UPF2: variants seen among roughly 807,000 people sequenced by gnomAD.
The protein encoded by UPF2 is regulator of nonsense transcripts 2.
Under a neutral mutation model 141.4 loss-of-function variants are expected in UPF2, and 17 were observed. The observed-to-expected ratio is 0.12, with a 90% CI of 0.08 to 0.18. UPF2 has a LOEUF of 0.18. UPF2 is among the 10% of genes least tolerant of loss of function. The pLI is 1.00. For synonymous variants in UPF2, 540 were observed against 498.0 expected, an observed-to-expected ratio of 1.08 and a Z score of -1.12; for missense variants, 1,152 against 1,515.9, an observed-to-expected ratio of 0.76 and a Z score of 3.99.
Position 11,979,978 on chromosome 10 carries a change from T to C in UPF2, c.1845-813A>G, listed in dbSNP as rs1462792310. 6.6e-6 allele frequency among the ~76,000 whole-genome samples: 1 copy of C among 152,178 alleles called. No homozygotes were observed. The highest frequency in any genetic ancestry group is 1.5e-5 in the Non-Finnish European group (1 of 68,022). On this transcript the variant is annotated intron_variant, in intron 8 of 21. Transcript: ENST00000357604. This position sits in a 1 kb window ranked among gnomAD's most constrained non-coding sequence, Gnocchi z 6.2. Reference sequence around the variant, plus strand: ...ACGAAGGCAAAATAATATTACAAAATCTAAATACTAATTTATGTATTTCAA... The same window carrying C: ...ACGAAGGCAAAATAATATTACAAAACCTAAATACTAATTTATGTATTTCAA...
At chr10:11,993,574 T>C (rs1011588735) in intron 8 of UPF2, among the ~76,000 whole-genome samples, 1 of 150,444 alleles carries the variant, frequency 6.6e-6, no homozygotes, top group Non-Finnish European at 1.5e-5. Context: ...AATAAAAATA[T>C]AAATTATTGA....
intron 7 of UPF2, among the ~76,000 whole-genome samples, chr10:11,999,140 T>C (rs1833912085): frequency 6.6e-6 from 1 of 151,966 alleles, no homozygotes; most frequent in Admixed American, 6.6e-5. Flanking sequence ...TATAATTTGG[T>C]ACCACTACCT....
At chr10:12,008,222 G>A (rs1228011659) in intron 4 of UPF2, among the ~76,000 whole-genome samples, 1 of 151,986 alleles carries the variant, frequency 6.6e-6, no homozygotes, top group Admixed American at 6.6e-5. Context: ...GATTCAAATA[G>A]GAATTTCACA....
chr10:12,001,010 T>G (rs548874681), intron 6 of UPF2, among the ~76,000 whole-genome samples: 1 of 152,362 alleles, frequency 6.6e-6, no homozygotes, highest in Admixed American at 6.5e-5. Flanking sequence ...TTATGTTGTT[T>G]GTAAAGATTA....
At position 11,939,354 on chromosome 10, in the gene UPF2, G is replaced by A. The variant is rs148874073; in HGVS notation, c.3379-2642C>T. Among the ~76,000 whole-genome samples, 263 of 152,078 alleles carry A rather than the reference G, an allele frequency of 1.7e-3. 1 individual carries two copies. The highest frequency in any genetic ancestry group is 5.8e-3 in the African/African-American group (242 of 41,490). Reference sequence around the variant, plus strand: ...TTCTGCTGTGGAAATAAAACAGAACGTCAACTTTATTTTTGTTTATTGTCT... The same window carrying A: ...TTCTGCTGTGGAAATAAAACAGAACATCAACTTTATTTTTGTTTATTGTCT... On this transcript the variant is annotated intron_variant, in intron 18 of 21. Coordinates refer to ENST00000357604, the MANE Select transcript of UPF2 (RefSeq NM_015542.4). The surrounding 1 kb of genome is among the most constrained non-coding windows in gnomAD (Gnocchi z 4.8).
intron 7 of UPF2, 115 bp from the exon 8 acceptor site, chr10:11,997,872 G>C (rs1833889013): frequency 9.5e-7 from 1 of 1,048,596 alleles, no homozygotes; most frequent in Non-Finnish European, 1.4e-6. Context: ...ATGGTTTTAA[G>C]AAACTAGTAT....
Position 11,938,842 on chromosome 10 carries a change from G to GTTTTTTTTTTTTTTTTTTTTTTTT in UPF2, c.3379-2131_3379-2130insAAAAAAAAAAAAAAAAAAAAAAAA, listed in dbSNP as rs1204744093. ...GTCCTAGCCATGTGGTCTTAAGCAA[G>GTTTTTTTTTTTTTTTTTTTTTTTT]TTTTTTTTTTGTTTTTTTTTTTTTT... On this transcript the variant is annotated intron_variant, in intron 18 of 21. Transcript: ENST00000357604. Among the ~76,000 whole-genome samples, 3 of 45,862 alleles carry GTTTTTTTTTTTTTTTTTTTTTTTT rather than the reference G, an allele frequency of 6.5e-5. 1 individual carries two copies. The highest frequency in any genetic ancestry group is 2.1e-4 in the African/African-American group (3 of 14,224). The allele number at this position is 45,862 out of a possible 152,430, so 30.1% of individuals were successfully genotyped here. A position where few individuals can be genotyped will look rare whatever the true frequency, so the allele number is the denominator to read the frequency against.
At chr10:11,938,844 TTTTTTTTTG>T (rs1564337737) in intron 18 of UPF2, among the ~76,000 whole-genome samples, 23 of 116,544 alleles carry the variant, frequency 2.0e-4, no homozygotes, top group African/African-American at 7.0e-4. Context: ...TTAAGCAAGT[TTTTTTTTTG>T]TTTTTTTTTT....
intron 2 of UPF2, among the ~76,000 whole-genome samples, chr10:12,033,289 A>T (rs575727988): frequency 1.3e-5 from 2 of 151,996 alleles, no homozygotes; most frequent in Non-Finnish European, 2.9e-5. Context: ...TAATCTCAAC[A>T]CTTTGGGAGG....
At chr10:12,023,688 T>TAA (rs111568431) in intron 3 of UPF2, among the ~76,000 whole-genome samples, 6 of 134,980 alleles carry the variant, frequency 4.4e-5, no homozygotes, top group Non-Finnish European at 6.4e-5. Flanking sequence ...AGACTCCATC[T>TAA]AAAAAAAAAA....
chr10:12,036,931 A>G (rs1280936473), intron 1 of UPF2, among the ~76,000 whole-genome samples: 1 of 152,188 alleles, frequency 6.6e-6, no homozygotes, highest in Non-Finnish European at 1.5e-5. Flanking sequence ...AGGCTGAGGC[A>G]GGAGAATGGC....
At chr10:11,929,388 CTT>C (rs1195255510) in intron 21 of UPF2, among the ~76,000 whole-genome samples, 4 of 152,178 alleles carry the variant, frequency 2.6e-5, no homozygotes, top group East Asian at 3.9e-4. Context: ...AAACCAATGT[CTT>C]TGTAAGAACA....
At chr10:11,944,911 A>G (rs1832981838) in intron 16 of UPF2, among the ~76,000 whole-genome samples, 1 of 152,374 alleles carries the variant, frequency 6.6e-6, no homozygotes, top group East Asian at 1.9e-4. Context: ...GCCTGAGTTC[A>G]AATACCGGCT....
At chr10:11,971,125 G>A (rs926111417) in intron 9 of UPF2, among the ~76,000 whole-genome samples, 3 of 152,096 alleles carry the variant, frequency 2.0e-5, no homozygotes, top group African/African-American at 7.2e-5. Flanking sequence ...ACATTTAAAT[G>A]AAGTGTTATA....
intron 13 of UPF2, 45 bp from the exon 14 acceptor site, chr10:11,955,552 G>A (rs763242655): frequency 1.3e-6 from 2 of 1,545,578 alleles, no homozygotes; most frequent in African/African-American, 1.4e-5. Flanking sequence ...GAGGAGTAGT[G>A]TATATGAAAA....
intron 21 of UPF2, among the ~76,000 whole-genome samples, chr10:11,926,938 G>A (rs1178296104): frequency 6.6e-6 from 1 of 152,144 alleles, no homozygotes. Context: ...TCACACGCAC[G>A]TCGATGACAG....
intron 4 of UPF2, among the ~76,000 whole-genome samples, chr10:12,009,834 C>G (rs915189218): frequency 5.9e-5 from 9 of 152,300 alleles, no homozygotes; most frequent in Middle Eastern, 6.8e-3. Flanking sequence ...CTTGAACATT[C>G]AGCTGAGTAC....
chr10:11,938,870 T>TTTTTTTG (rs1832898292), intron 18 of UPF2, among the ~76,000 whole-genome samples: 1 of 112,564 alleles, frequency 8.9e-6, no homozygotes, highest in African/African-American at 3.2e-5. Flanking sequence ...TTTTTTTTTT[T>TTTTTTTG]TTTTTTTTTT....
At chr10:12,005,970 C>A (rs535234329) in intron 4 of UPF2, among the ~76,000 whole-genome samples, 1 of 152,272 alleles carries the variant, frequency 6.6e-6, no homozygotes, top group South Asian at 2.1e-4. Context: ...GCCTCGAAAT[C>A]CTGGGCTCAT....
Sources: allele counts gnomAD v4.1 joint callset (sites outside exome capture counted in the v4.1 genomes callset), GRCh38; gene constraint gnomAD v4.1.1; non-coding constraint Gnocchi (gnomAD v3.1); transcripts MANE v1.5; gene names NCBI Gene and HGNC (gene_info 2026-07-23, HGNC 2026-07-21).